The following FUT8 variants were observed in gnomAD, a reference collection of about 807,000 sequenced individuals.
The protein encoded by FUT8 is fucosyltransferase 8.
FUT8 carries 29 observed loss-of-function variants against 71.3 expected under a neutral mutation model. That is an observed-to-expected ratio of 0.41 (90% CI 0.30 to 0.55). The LOEUF is 0.55. Among genes scored for constraint, FUT8 ranks in the 20% least tolerant of loss-of-function variants. FUT8 has a pLI of 0.34. For synonymous variants in FUT8, 254 were observed against 239.3 expected, an observed-to-expected ratio of 1.06 and a Z score of -0.57; for missense variants, 544 against 702.1, an observed-to-expected ratio of 0.77 and a Z score of 2.55.
intron 6 of FUT8, among the ~76,000 whole-genome samples, chr14:65,644,857 A>G (rs1891049255): frequency 6.6e-6 from 1 of 152,188 alleles, no homozygotes; most frequent in African/African-American, 2.4e-5. Flanking sequence ...ATATGTGAAC[A>G]AAGCTTATCT....
chr14:65,697,985 C>G (rs1466667245), intron 7 of FUT8, among the ~76,000 whole-genome samples: 1 of 145,944 alleles, frequency 6.9e-6, no homozygotes, highest in Non-Finnish European at 1.5e-5. Flanking sequence ...GAGCGAAACT[C>G]CATCTCAAAA....
the FUT8 span, among the ~76,000 whole-genome samples, chr14:65,393,131 C>A: frequency 1.3e-5 from 2 of 152,146 alleles, no homozygotes; most frequent in Non-Finnish European, 2.9e-5. Flanking sequence ...GGTGAGAACA[C>A]AGCTGAGAGT....
Position 65,743,678 on chromosome 14 carries a change from C to T in FUT8, c.*1268C>T, listed in dbSNP as rs565333101. ...TTGGTGACCAAGTGAGAAGCGGGAC[C>T]AATGGGAGACTCACAATGGACTGAG... On this transcript the variant is annotated 3_prime_UTR_variant, in exon 11 of 11. Coordinates refer to ENST00000673929, the MANE Select transcript of FUT8 (RefSeq NM_001371533.1). 1 of 151,854 alleles carries T rather than the reference C, an allele frequency of 6.6e-6. No homozygotes were observed. The highest frequency in any genetic ancestry group is 1.5e-5 in the Non-Finnish European group (1 of 67,840). 9.4% of individuals were successfully genotyped at this position (151,854 alleles called of 1,614,324 possible).
Position 65,632,901 on chromosome 14 carries a change from A to G in FUT8, c.597+3295A>G, listed in dbSNP as rs569108555. ...CTTGAGTTGATTTTTGTATAAGGTGAGAGATGAGGATTCAGTTTCATTCTC... is the reference window on the plus strand; with the variant it reads ...CTTGAGTTGATTTTTGTATAAGGTGGGAGATGAGGATTCAGTTTCATTCTC... On this transcript the variant is annotated intron_variant, in intron 6 of 10. Transcript: ENST00000673929. Among the ~76,000 whole-genome samples, 129 of 152,084 alleles carry G rather than the reference A, an allele frequency of 8.5e-4. 6 individuals carry two copies. In the South Asian group the frequency reaches 0.025, roughly 30 times the overall value.
At chr14:65,658,902 G>T (rs1359334015) in intron 6 of FUT8, among the ~76,000 whole-genome samples, 1 of 151,968 alleles carries the variant, frequency 6.6e-6, no homozygotes, top group Admixed American at 6.6e-5. Flanking sequence ...ATCTAAAAAA[G>T]TCTGTAGTTA....
chr14:65,432,055 A>G (rs1392112026), intron 1 of FUT8, among the ~76,000 whole-genome samples: 7 of 152,252 alleles, frequency 4.6e-5, no homozygotes, highest in African/African-American at 1.2e-4. Context: ...TGAATTGCCA[A>G]ATGGGGATTC....
At chr14:65,575,577 T>C (rs1339766116) in intron 3 of FUT8, among the ~76,000 whole-genome samples, 1 of 3,010 alleles carries the variant, frequency 3.3e-4, no homozygotes, top group Non-Finnish European at 3.0e-3. Context: ...CTTTCCTTCC[T>C]TCCTTCTTCC....
At chr14:65,634,050 G>C (rs61988014) in intron 6 of FUT8, among the ~76,000 whole-genome samples, 11 of 151,240 alleles carry the variant, frequency 7.3e-5, no homozygotes, top group Admixed American at 2.0e-4. Context: ...GCCACCACCC[G>C]GTCTGGGAGG....
At chr14:65,588,063 A>G (rs1887486867) in intron 3 of FUT8, among the ~76,000 whole-genome samples, 1 of 152,248 alleles carries the variant, frequency 6.6e-6, no homozygotes, top group Non-Finnish European at 1.5e-5. Context: ...GCAAATATTT[A>G]CAGAATTTAC....
chr14:65,608,885 T>C (rs1888726579), intron 3 of FUT8, among the ~76,000 whole-genome samples: 1 of 152,048 alleles, frequency 6.6e-6, no homozygotes, highest in Non-Finnish European at 1.5e-5. Flanking sequence ...TTTTTGTCTT[T>C]TTTGTTCAAA....
At chr14:65,726,617 C>T (rs2139367669) in intron 9 of FUT8, among the ~76,000 whole-genome samples, 1 of 152,282 alleles carries the variant, frequency 6.6e-6, no homozygotes, top group South Asian at 2.1e-4. Context: ...TCCCACAACA[C>T]CTGAGAATTC....
At chr14:65,532,791 C>T (rs993357342) in intron 2 of FUT8, among the ~76,000 whole-genome samples, 4 of 152,040 alleles carry the variant, frequency 2.6e-5, no homozygotes, top group Non-Finnish European at 5.9e-5. Flanking sequence ...GTCTTTAATC[C>T]GTCTTGAGTT....
chr14:65,522,157 G>C (rs1883124418), intron 2 of FUT8, among the ~76,000 whole-genome samples: 1 of 152,120 alleles, frequency 6.6e-6, no homozygotes, highest in Non-Finnish European at 1.5e-5. Context: ...AGAACTCCTT[G>C]CATCTAGAAT....
intron 6 of FUT8, among the ~76,000 whole-genome samples, chr14:65,636,252 A>T (rs1420478241): frequency 6.6e-6 from 1 of 151,962 alleles, no homozygotes; most frequent in African/African-American, 2.4e-5. Flanking sequence ...TAATCTTGCC[A>T]ATGATCTATC....
intron 1 of FUT8, among the ~76,000 whole-genome samples, chr14:65,447,417 T>C (rs1182797720): frequency 6.6e-6 from 1 of 152,102 alleles, no homozygotes; most frequent in African/African-American, 2.4e-5. Flanking sequence ...GTACATTTTA[T>C]GTTGAAGAGT....
Position 65,536,655 on chromosome 14 carries a change from C to T in FUT8, c.-227-24682C>T, listed in dbSNP as rs546340525. On this transcript the variant is annotated intron_variant, in intron 2 of 10. Transcript: ENST00000673929. The stretch of plus-strand genomic sequence containing the variant: ...CTGTTGGGCTTCCTTTTGTAGGTGG[C>T]CTGTTCTATCTCTCTAGCTGCCTTT... Among the ~76,000 whole-genome samples the T allele has an allele frequency of 6.6e-5, 10 of 152,232 alleles. No individual in the cohort carries two copies. The South Asian group carries it at 2.1e-3, about 32-fold the overall frequency.
intron 1 of FUT8, among the ~76,000 whole-genome samples, chr14:65,414,146 C>A (rs906065703): frequency 1.3e-5 from 2 of 152,148 alleles, no homozygotes. Flanking sequence ...TAGTACATAA[C>A]CCCAAATTTC....
At chr14:65,429,860 TCAAAAA>T (rs1325435200) in intron 1 of FUT8, among the ~76,000 whole-genome samples, 1 of 23,344 alleles carries the variant, frequency 4.3e-5, no homozygotes. Context: ...TGAGACTGTC[TCAAAAA>T]AAAAAAAAAA....
rs1336158905 is a variant in FUT8 at position 65,451,508 on chromosome 14, C to CT, written c.-325-4111dup. On this transcript the variant is annotated intron_variant, in intron 1 of 10. Coordinates refer to ENST00000673929, the MANE Select transcript of FUT8 (RefSeq NM_001371533.1). ...GCTAACAACTCAGTGGACCCTTTGC[C>CT]TTCTTTTTGTGAAGTGGCAGCCCTC... Among the ~76,000 whole-genome samples, 14 of 152,078 alleles carry CT rather than the reference C, an allele frequency of 9.2e-5. No homozygotes were observed. The East Asian group carries it at 1.7e-3, about 19-fold the overall frequency.
Sources: gnomAD v4.1 joint callset for allele counts (sites outside exome capture counted in the v4.1 genomes callset) on GRCh38, gnomAD v4.1.1 for gene constraint, MANE v1.5 for transcripts, NCBI Gene and HGNC (gene_info 2026-07-23, HGNC 2026-07-21) for gene names.